FRMPD4: variants seen among roughly 807,000 people sequenced by gnomAD.
The protein encoded by FRMPD4 is FERM and PDZ domain-containing protein 4.
FRMPD4 carries 22 observed loss-of-function variants against 94.1 expected under a neutral mutation model. The observed-to-expected ratio is 0.23, with a 90% CI of 0.17 to 0.33. FRMPD4 has a LOEUF of 0.33. Ranked by LOEUF, FRMPD4 falls within the 10% of genes least tolerant of loss-of-function variation. The pLI is 1.00. For missense variants in FRMPD4, 1,111 were observed against 1,339.9 expected (o/e 0.83, Z 2.67); for synonymous variants, 631 against 548.6 (o/e 1.15, Z -2.10).
chrX:12,235,895 C>T (rs1319410561), intron 1 of FRMPD4, among the ~76,000 whole-genome samples: 1 of 111,826 alleles, frequency 8.9e-6, no homozygotes, highest in East Asian at 2.8e-4. Flanking sequence ...ATAGTGCCAA[C>T]ATCGTAGGGA....
chrX:12,552,582 T>C (rs972240), intron 2 of FRMPD4, among the ~76,000 whole-genome samples: 24,271 of 111,256 alleles, frequency 0.22, 1,947 homozygotes, highest in East Asian at 0.35. Context: ...CAAATTCACT[T>C]GAAATGTTTC....
At chrX:12,256,951 AATTT>A (rs1437767693) in intron 1 of FRMPD4, among the ~76,000 whole-genome samples, 1 of 111,862 alleles carries the variant, frequency 8.9e-6, no homozygotes, top group East Asian at 2.8e-4. Flanking sequence ...TCAGTGTTCT[AATTT>A]ATTTAATGAC....
intron 3 of FRMPD4, among the ~76,000 whole-genome samples, chrX:11,984,039 T>C (rs1360030499): frequency 8.9e-6 from 1 of 111,776 alleles, no homozygotes; most frequent in Non-Finnish European, 1.9e-5. Context: ...AAAAAGAAGT[T>C]AGAAGGATCC....
chrX:12,472,659 G>A, intron 1 of FRMPD4, among the ~76,000 whole-genome samples: 1 of 112,270 alleles, frequency 8.9e-6, no homozygotes, highest in African/African-American at 3.2e-5. Flanking sequence ...AGGACTACGT[G>A]ACGAATGCAC....
At chrX:12,657,826 C>T (rs1362200747) in intron 4 of FRMPD4, among the ~76,000 whole-genome samples, 1 of 112,608 alleles carries the variant, frequency 8.9e-6, no homozygotes, top group East Asian at 2.8e-4. Context: ...CTTTACTAAA[C>T]TGCAGGTTCT....
At chrX:11,835,959 G>A in intron 1 of FRMPD4, among the ~76,000 whole-genome samples, 1 of 112,060 alleles carries the variant, frequency 8.9e-6, no homozygotes, top group Middle Eastern at 4.6e-3. Flanking sequence ...GATGTGGCAG[G>A]TCGTTGTGCC....
At chrX:12,424,969 T>C (rs868836155) in intron 1 of FRMPD4, among the ~76,000 whole-genome samples, 3 of 112,081 alleles carry the variant, frequency 2.7e-5, no homozygotes, top group Non-Finnish European at 3.8e-5. Context: ...CAGTTTTTTT[T>C]CCCCCAAGGG....
At chrX:11,831,187 T>G (rs767960166) in intron 1 of FRMPD4, among the ~76,000 whole-genome samples, 1 of 110,002 alleles carries the variant, frequency 9.1e-6, no homozygotes, top group Non-Finnish European at 1.9e-5. Flanking sequence ...TTCTTCATTA[T>G]AAAAGCACCT....
At chrX:11,825,703 G>A (rs758163473) in intron 1 of FRMPD4, among the ~76,000 whole-genome samples, 2 of 111,760 alleles carry the variant, frequency 1.8e-5, no homozygotes, top group East Asian at 5.6e-4. Flanking sequence ...ATCCAAACAA[G>A]ATTATTAGTT....
intron 1 of FRMPD4, among the ~76,000 whole-genome samples, chrX:11,834,517 C>A (rs1037077658): frequency 1.1e-4 from 12 of 111,522 alleles, no homozygotes; most frequent in African/African-American, 3.9e-4. Context: ...TAATGTGCCC[C>A]ATGAAAATTA....
At chrX:12,195,538 G>A (rs979244981) in intron 1 of FRMPD4, among the ~76,000 whole-genome samples, 1 of 111,888 alleles carries the variant, frequency 8.9e-6, no homozygotes, top group African/African-American at 3.3e-5. Flanking sequence ...GCCTGCGGAA[G>A]CCCATCTTAG....
chrX:11,912,679 T>G (rs1172814184), intron 3 of FRMPD4, among the ~76,000 whole-genome samples: 1 of 111,495 alleles, frequency 9.0e-6, no homozygotes, highest in Non-Finnish European at 1.9e-5. Context: ...AATACTTGTA[T>G]TTTTTTAAAC....
At chrX:12,437,806 T>C (rs1001917968) in intron 1 of FRMPD4, among the ~76,000 whole-genome samples, 4 of 112,165 alleles carry the variant, frequency 3.6e-5, no homozygotes, top group Non-Finnish European at 5.6e-5. Flanking sequence ...AGTGAACCTT[T>C]CCTATGAGTT....
At chrX:12,260,335 C>A (rs1201882302) in intron 1 of FRMPD4, among the ~76,000 whole-genome samples, 1 of 112,095 alleles carries the variant, frequency 8.9e-6, no homozygotes, top group Admixed American at 9.4e-5. Flanking sequence ...CCAAATTTAT[C>A]CTATGTTCTT....
intron 1 of FRMPD4, among the ~76,000 whole-genome samples, chrX:12,317,046 C>G (rs1262030944): frequency 8.9e-6 from 1 of 111,892 alleles, no homozygotes; most frequent in Admixed American, 9.5e-5. Flanking sequence ...AATGCTGAAG[C>G]CATTTGAATT....
intron 1 of FRMPD4, among the ~76,000 whole-genome samples, chrX:12,147,714 C>T (rs2055789729): frequency 8.9e-6 from 1 of 111,997 alleles, no homozygotes; most frequent in African/African-American, 3.2e-5. Flanking sequence ...ATAGATACTG[C>T]ACTTTCTACA....
At chrX:12,625,785 A>C (rs982462434) in intron 4 of FRMPD4, among the ~76,000 whole-genome samples, 3 of 111,941 alleles carry the variant, frequency 2.7e-5, no homozygotes, top group Non-Finnish European at 5.6e-5. Context: ...CTAAAAGAGA[A>C]TTACTCAAGT....
intron 3 of FRMPD4, among the ~76,000 whole-genome samples, chrX:12,128,867 T>C (rs889948139): frequency 1.8e-5 from 2 of 112,061 alleles, no homozygotes; most frequent in Non-Finnish European, 3.8e-5. Flanking sequence ...AGGGGCAAAA[T>C]GCTGCCAGTT....
At chrX:11,912,982 A>G (rs1281806395) in intron 3 of FRMPD4, among the ~76,000 whole-genome samples, 2 of 111,613 alleles carry the variant, frequency 1.8e-5, no homozygotes, top group Admixed American at 1.9e-4. Flanking sequence ...AACCAAGGCT[A>G]AAGGGAGCCT....
Sources: gnomAD v4.1 joint callset for allele counts (sites outside exome capture counted in the v4.1 genomes callset) on GRCh38, gnomAD v4.1.1 for gene constraint, MANE v1.5 for transcripts, NCBI Gene and HGNC (gene_info 2026-07-23, HGNC 2026-07-21) for gene names.